CPQ: variants seen among roughly 807,000 people sequenced by gnomAD.
CPQ encodes the protein carboxypeptidase Q.
Under a neutral mutation model 45.7 loss-of-function variants are expected in CPQ, and 37 were observed. The ratio of observed to expected loss-of-function variants is 0.81; its 90% CI spans 0.62 to 1.07. The LOEUF (loss-of-function observed/expected upper bound fraction) is 1.07, where lower values mean the gene tolerates loss of function less well. Ranked by LOEUF, CPQ falls within the 50% of genes least tolerant of loss-of-function variation. The pLI is 0.00. For synonymous variants in CPQ, 186 were observed against 205.8 expected, an observed-to-expected ratio of 0.90 and a Z score of 0.82; for missense variants, 537 against 572.9, an observed-to-expected ratio of 0.94 and a Z score of 0.64.
intron 5 of CPQ, among the ~76,000 whole-genome samples, chr8:96,972,114 C>T (rs1813689685): frequency 6.6e-6 from 1 of 152,190 alleles, no homozygotes; most frequent in Non-Finnish European, 1.5e-5. Flanking sequence ...GGCAAGTTCT[C>T]AGCCCTAGTT....
chr8:97,004,086 G>A (rs180702575), intron 5 of CPQ, among the ~76,000 whole-genome samples: 26 of 151,914 alleles, frequency 1.7e-4, no homozygotes, highest in Admixed American at 1.4e-3. Flanking sequence ...AAATGTTAGC[G>A]GGAAGACTGA....
intron 1 of CPQ, among the ~76,000 whole-genome samples, chr8:96,650,109 C>T (rs1240494381): frequency 1.3e-5 from 2 of 152,164 alleles, no homozygotes; most frequent in African/African-American, 2.4e-5. Flanking sequence ...TAAGATATCC[C>T]AAGCTTTGAT....
chr8:96,744,669 G>C (rs916995066), intron 1 of CPQ, among the ~76,000 whole-genome samples: 1 of 151,956 alleles, frequency 6.6e-6, no homozygotes, highest in Admixed American at 6.6e-5. Flanking sequence ...CTATAAATTT[G>C]ACATTAAATT....
chr8:96,792,789 G>A (rs1412071530), intron 2 of CPQ, among the ~76,000 whole-genome samples: 1 of 152,110 alleles, frequency 6.6e-6, no homozygotes, highest in East Asian at 1.9e-4. Context: ...CATTGTATTA[G>A]TCTGTTCTCA....
At chr8:96,664,749 A>T (rs1808897899) in intron 1 of CPQ, among the ~76,000 whole-genome samples, 1 of 152,242 alleles carries the variant, frequency 6.6e-6, no homozygotes, top group Non-Finnish European at 1.5e-5. Context: ...GTTGTGAGCC[A>T]AGATTAATCT....
chr8:97,092,899 A>G (rs1811149177), intron 7 of CPQ: 1 of 152,204 alleles, frequency 6.6e-6, no homozygotes, highest in South Asian at 2.1e-4. Flanking sequence ...AATGGAAGAA[A>G]ATATTTGCAA....
chr8:96,756,045 C>T (rs532056069), intron 1 of CPQ, among the ~76,000 whole-genome samples: 1 of 152,078 alleles, frequency 6.6e-6, no homozygotes, highest in Non-Finnish European at 1.5e-5. Flanking sequence ...CTAATAGTTA[C>T]CTCCATAACT....
At chr8:97,081,353 A>G (rs925399141) in intron 7 of CPQ, among the ~76,000 whole-genome samples, 2 of 152,058 alleles carry the variant, frequency 1.3e-5, no homozygotes, top group Non-Finnish European at 1.5e-5. Context: ...TTGCCCCCCC[A>G]TACGCTTAAA....
intron 5 of CPQ, among the ~76,000 whole-genome samples, chr8:97,012,021 T>A (rs1238250939): frequency 6.6e-6 from 1 of 152,188 alleles, no homozygotes; most frequent in South Asian, 2.1e-4. Context: ...ACTACAATGA[T>A]GTGGGTGATG....
Position 96,815,478 on chromosome 8 carries a change from A to T in CPQ, c.434-19495A>T, listed in dbSNP as rs141639363. ...GAATGGGCTATTAAGGTCAGACCTGAGGAAAGCAGATCACAGTTGAGGGGG... is the reference window on the plus strand; with the variant it reads ...GAATGGGCTATTAAGGTCAGACCTGTGGAAAGCAGATCACAGTTGAGGGGG... On this transcript the variant is annotated intron_variant, in intron 2 of 7. Coordinates refer to ENST00000220763, the MANE Select transcript of CPQ (RefSeq NM_016134.4). Among the ~76,000 whole-genome samples the T allele has an allele frequency of 3.1e-3, 466 of 152,106 alleles. 1 individual carries two copies. Among genetic ancestry groups the T allele is most frequent in the African/African-American group, 0.01 (417 of 41,510 alleles).
At chr8:96,872,952 GA>G (rs1246921993) in intron 3 of CPQ, among the ~76,000 whole-genome samples, 1 of 151,672 alleles carries the variant, frequency 6.6e-6, no homozygotes, top group African/African-American at 2.4e-5. Context: ...ATGTTTAAGA[GA>G]AAAAAGCCAA....
intron 5 of CPQ, among the ~76,000 whole-genome samples, chr8:97,015,047 C>T (rs1809555821): frequency 1.3e-5 from 2 of 152,134 alleles, no homozygotes; most frequent in African/African-American, 2.4e-5. Context: ...TTTCCTCACA[C>T]AGCTTGATCT....
At chr8:96,987,891 A>G (rs934465649) in intron 5 of CPQ, among the ~76,000 whole-genome samples, 2 of 152,212 alleles carry the variant, frequency 1.3e-5, no homozygotes, top group African/African-American at 2.4e-5. Context: ...TCCAAGTACT[A>G]TAAAAAGTAA....
At chr8:97,123,284 T>C (rs1811789418) in intron 7 of CPQ, among the ~76,000 whole-genome samples, 1 of 146,588 alleles carries the variant, frequency 6.8e-6, no homozygotes, top group Non-Finnish European at 1.5e-5. Context: ...TGAGTAAATA[T>C]AAAAGGCATT....
rs1172189500 is a variant in CPQ at position 96,767,635 on chromosome 8, C to CTTTTTTTTTTTTTTT, written c.-34-17217_-34-17203dup. 1.0e-3 allele frequency among the ~76,000 whole-genome samples: 40 copies of CTTTTTTTTTTTTTTT among 39,314 alleles called. 10 individuals are homozygous for CTTTTTTTTTTTTTTT. The highest frequency in any genetic ancestry group is 1.5e-3 in the Non-Finnish European group (34 of 22,874). 25.8% of individuals were successfully genotyped at this position (39,314 alleles called of 152,430 possible). A position where few individuals can be genotyped will look rare whatever the true frequency, so the allele number is the denominator to read the frequency against. ...AATCCCTTTCAGCTGGTTACCTATG[C>CTTTTTTTTTTTTTTT]TTTTTTTTTTTTTTTTTTTTTTTTT... On this transcript the variant is annotated intron_variant, in intron 1 of 7. Coordinates refer to ENST00000220763, the MANE Select transcript of CPQ (RefSeq NM_016134.4).
At chr8:97,080,751 C>T (rs940806081) in intron 7 of CPQ, among the ~76,000 whole-genome samples, 4 of 152,088 alleles carry the variant, frequency 2.6e-5, no homozygotes, top group African/African-American at 7.2e-5. Context: ...TAAAATATGA[C>T]ATTTGCTGTC....
intron 6 of CPQ, among the ~76,000 whole-genome samples, chr8:97,039,510 T>A (rs1034624947): frequency 6.6e-6 from 1 of 151,866 alleles, no homozygotes; most frequent in Admixed American, 6.6e-5. Flanking sequence ...ATACTTTAAG[T>A]TTAGGGTACA....
rs79424797 is a variant in CPQ, at chr8:97,029,426, C to T, written c.985C>T (p.Arg329Trp). 49 of 1,607,360 alleles carry T rather than the reference C, an allele frequency of 3.0e-5. No individual in the cohort carries two copies. The highest frequency in any genetic ancestry group is 3.7e-5 in the Non-Finnish European group (44 of 1,176,686). ...AGGGCTGCGTCCAAAGAGGACTCTG[C>T]GGCTGGTGCTCTGGACTGCAGAAGA... ...DLGLRPKRTL[R>W]LVLWTAEEQG... Residue 329 changes from arginine (R) to tryptophan (W), a missense_variant, in exon 6 of 8, where the codon CGG becomes TGG. Physicochemically the swap from Arg to Trp is moderately radical, Grantham distance 101. Transcript: ENST00000220763.
At chr8:97,041,473 TA>T (rs1387554309) in intron 6 of CPQ, among the ~76,000 whole-genome samples, 3 of 152,194 alleles carry the variant, frequency 2.0e-5, no homozygotes, top group Non-Finnish European at 4.4e-5. Flanking sequence ...GAATACCCTT[TA>T]TTTTCTTCCC....
Sources: gnomAD v4.1 joint callset for allele counts (sites outside exome capture counted in the v4.1 genomes callset) on GRCh38, gnomAD v4.1.1 for gene constraint, MANE v1.5 for transcripts, NCBI Gene and HGNC (gene_info 2026-07-23, HGNC 2026-07-21) for gene names.